PLXNC1: variants seen among roughly 807,000 people sequenced by gnomAD.
The protein encoded by PLXNC1 is plexin-C1.
A neutral mutation model predicts 178.2 loss-of-function variants in PLXNC1; 75 were observed. That is an observed-to-expected ratio of 0.42 (90% CI 0.35 to 0.51). The LOEUF (loss-of-function observed/expected upper bound fraction) is 0.51. PLXNC1 is among the 20% of genes least tolerant of loss of function. PLXNC1 has a pLI of 0.02. For synonymous variants in PLXNC1, 790 were observed against 779.9 expected (o/e 1.01, Z -0.22); for missense variants, 1,503 against 1,984.4 (o/e 0.76, Z 4.61).
At position 94,305,993 on chromosome 12, in the gene PLXNC1, A is replaced by AACCAGATACTTTGTCCTAAT. The variant is rs1289695491; in HGVS notation, c.*709_*728dup. 2.6e-5 allele frequency: 4 copies of AACCAGATACTTTGTCCTAAT among 152,228 alleles called. No individual in the cohort carries two copies. Among genetic ancestry groups the AACCAGATACTTTGTCCTAAT allele is most frequent in the African/African-American group, 9.6e-5 (4 of 41,470 alleles). 9.4% of individuals were successfully genotyped at this position (152,228 alleles called of 1,614,324 possible). ...GCTTTATTTAAATGAACAGCATTTT[A>AACCAGATACTTTGTCCTAAT]ACCAGATACTTTGTCCTAATGTATG... is the stretch of plus-strand genomic sequence containing the variant. On this transcript the variant is annotated 3_prime_UTR_variant, in exon 31 of 31. Coordinates refer to ENST00000258526, the MANE Select transcript of PLXNC1 (RefSeq NM_005761.3).
At chr12:94,189,884 G>A (rs1592748465) in intron 4 of PLXNC1, among the ~76,000 whole-genome samples, 2 of 152,116 alleles carry the variant, frequency 1.3e-5, no homozygotes, top group Non-Finnish European at 1.5e-5. Context: ...TGTGGAAATC[G>A]CAGTCACCAA....
At chr12:94,164,422 G>C (rs1307601627) in intron 1 of PLXNC1, among the ~76,000 whole-genome samples, 1 of 128,190 alleles carries the variant, frequency 7.8e-6, no homozygotes, top group Non-Finnish European at 1.6e-5. Context: ...TGCCGCAAAA[G>C]CTGGAGCATG....
chr12:94,266,920 C>A (rs1965276905), intron 21 of PLXNC1, among the ~76,000 whole-genome samples: 1 of 152,240 alleles, frequency 6.6e-6, no homozygotes, highest in Non-Finnish European at 1.5e-5. Flanking sequence ...TCGGGACTGA[C>A]TGAATCAGAA....
intron 17 of PLXNC1, among the ~76,000 whole-genome samples, chr12:94,256,497 G>A (rs569940544): frequency 6.6e-5 from 10 of 152,144 alleles, no homozygotes; most frequent in African/African-American, 2.4e-4. Flanking sequence ...GAGGCACCGA[G>A]ATCTACCATT....
intron 2 of PLXNC1, chr12:94,176,349 C>A (rs564756650): frequency 6.6e-6 from 1 of 152,080 alleles, no homozygotes; most frequent in Non-Finnish European, 1.5e-5. Context: ...GGCTGGGGCT[C>A]GGGCTAGGTG....
intron 4 of PLXNC1, among the ~76,000 whole-genome samples, chr12:94,193,215 T>C (rs1340885714): frequency 6.6e-6 from 1 of 152,178 alleles, no homozygotes; most frequent in African/African-American, 2.4e-5. Flanking sequence ...TGCAGGGCTT[T>C]AATTAAAAGT....
At chr12:94,213,129 T>C (rs1963542747) in intron 5 of PLXNC1, among the ~76,000 whole-genome samples, 1 of 152,238 alleles carries the variant, frequency 6.6e-6, no homozygotes, top group African/African-American at 2.4e-5. Context: ...CATGTGTCTT[T>C]ATAGTAGCAT....
chr12:94,289,047 C>T (rs759167446), intron 23 of PLXNC1, among the ~76,000 whole-genome samples: 3 of 152,096 alleles, frequency 2.0e-5, no homozygotes, highest in Non-Finnish European at 4.4e-5. Flanking sequence ...CCATTTTTAC[C>T]TACAAAAGTG....
In PLXNC1 at chr12:94,279,603, C is replaced by T. The variant is rs765132104; in HGVS notation, c.3729C>T (p.Ser1243=). The T allele has an allele frequency of 2.7e-5, 44 of 1,613,986 alleles. No homozygotes were observed. The East Asian group carries it at 8.7e-4, about 32-fold the overall frequency. ...AAAAGATTTTCCAAGCATTCTTAAGCAAAAATGGCTCTCCTTATGGACTTC... is the reference window on the plus strand; with the variant it reads ...AAAAGATTTTCCAAGCATTCTTAAGTAAAAATGGCTCTCCTTATGGACTTC... ...AKEKIFQAFL[S]KNGSPYGLQL... is the part of the protein sequence containing the mutation. The change falls in exon 22 of 31, where the codon AGC becomes AGT. Residue 1243 remains serine (S), a synonymous_variant. Transcript: ENST00000258526.
chr12:94,221,166 A>T lies in PLXNC1; in HGVS notation c.1702+1003A>T, dbSNP rs181532968. On this transcript the variant is annotated intron_variant, in intron 6 of 30. Transcript: ENST00000258526. ...GAATGTAAGCCCCATGGAGGCAGGG[A>T]CTTGGAGAAGACATCTTCACTGCTG... Among the ~76,000 whole-genome samples, 371 of 152,330 alleles carry T rather than the reference A, an allele frequency of 2.4e-3. 3 individuals carry two copies. The highest frequency in any genetic ancestry group is 8.4e-3 in the African/African-American group (350 of 41,570).
rs1565829438 is a variant in PLXNC1 at position 94,248,283 on chromosome 12, T to C, written c.2649T>C (p.His883=). 1.9e-6 allele frequency: 3 copies of C among 1,613,094 alleles called. No individual in the cohort carries two copies. Among genetic ancestry groups the C allele is most frequent in the Non-Finnish European group, 2.5e-6 (3 of 1,179,266 alleles). Residue 883 remains histidine, a synonymous_variant, in exon 14 of 31, where the codon CAT becomes CAC. Transcript: ENST00000258526. ...SKKDIEITLF[H]GENGQLNCSF... is the part of the protein sequence containing the mutation. The stretch of plus-strand genomic sequence containing the variant: ...AAGACATTGAAATTACTCTCTTCCA[T>C]GGGGAAAATGGGCAATTAAATTGCA...
intron 23 of PLXNC1, among the ~76,000 whole-genome samples, chr12:94,285,254 C>T (rs1212701912): frequency 6.6e-6 from 1 of 152,148 alleles, no homozygotes; most frequent in Admixed American, 6.5e-5. Flanking sequence ...CAGGTCTGCA[C>T]CAGGAAGGAC....
chr12:94,181,403 A>G, intron 2 of PLXNC1, 43 bp from the exon 3 acceptor site: 6 of 1,273,282 alleles, frequency 4.7e-6, no homozygotes, highest in African/African-American at 4.6e-5. Flanking sequence ...AAAAAAAAGT[A>G]TTAAATAGAA....
chr12:94,210,993 GA>G (rs1963451307), intron 5 of PLXNC1, among the ~76,000 whole-genome samples: 1 of 152,158 alleles, frequency 6.6e-6, no homozygotes. Flanking sequence ...AATTCTGGAA[GA>G]TTTTTTTTCT....
intron 9 of PLXNC1, among the ~76,000 whole-genome samples, chr12:94,229,963 A>G (rs1476633453): frequency 6.6e-6 from 1 of 152,234 alleles, no homozygotes; most frequent in Non-Finnish European, 1.5e-5. Flanking sequence ...GTTTCCTTCA[A>G]TAGTACTATC....
chr12:94,274,315 AG>A (rs1243329526), intron 21 of PLXNC1, among the ~76,000 whole-genome samples: 1 of 152,144 alleles, frequency 6.6e-6, no homozygotes, highest in Non-Finnish European at 1.5e-5. Context: ...CCTGGGCAAC[AG>A]AGTGAGACCC....
chr12:94,203,638 CT>C (rs1219193499), intron 4 of PLXNC1, among the ~76,000 whole-genome samples: 2 of 152,168 alleles, frequency 1.3e-5, no homozygotes, highest in Non-Finnish European at 2.9e-5. Context: ...AGACACCATG[CT>C]AACTAACCTC....
intron 1 of PLXNC1, among the ~76,000 whole-genome samples, chr12:94,161,878 A>G (rs935616833): frequency 6.6e-6 from 1 of 152,242 alleles, no homozygotes; most frequent in Non-Finnish European, 1.5e-5. Flanking sequence ...GATTAGGCCT[A>G]CTTATCAATG....
rs149025429 is a variant in PLXNC1, at chr12:94,154,571, A to C, written c.1062+4538A>C. Among the ~76,000 whole-genome samples, 812 of 152,362 alleles carry C rather than the reference A, an allele frequency of 5.3e-3. 5 individuals carry two copies. The highest frequency in any genetic ancestry group is 0.031 in the Middle Eastern group (9 of 294). On this transcript the variant is annotated intron_variant, in intron 1 of 30. Transcript: ENST00000258526. Reference sequence around the variant, plus strand: ...AATTACTACATGCAATAATGTGTACATGTCCACTGCCATGGACAGTCTGTC... The same window carrying C: ...AATTACTACATGCAATAATGTGTACCTGTCCACTGCCATGGACAGTCTGTC...
Sources: gnomAD v4.1 joint callset for allele counts (sites outside exome capture counted in the v4.1 genomes callset) on GRCh38, gnomAD v4.1.1 for gene constraint, MANE v1.5 for transcripts, NCBI Gene and HGNC (gene_info 2026-07-23, HGNC 2026-07-21) for gene names.